DUOXA1: variants seen among roughly 807,000 people sequenced by gnomAD.
DUOXA1 encodes the protein dual oxidase maturation factor 1.
A neutral mutation model predicts 26.6 loss-of-function variants in DUOXA1; 19 were observed. That is an observed-to-expected ratio of 0.71 (90% CI 0.50 to 1.05). The LOEUF (loss-of-function observed/expected upper bound fraction) is 1.05, where lower values mean the gene tolerates loss of function less well. Among genes scored for constraint, DUOXA1 ranks in the 50% least tolerant of loss-of-function variants. The pLI is 0.00. For synonymous variants in DUOXA1, 166 were observed against 177.0 expected, an observed-to-expected ratio of 0.94 and a Z score of 0.49; for missense variants, 403 against 427.5, an observed-to-expected ratio of 0.94 and a Z score of 0.51.
chr15:45,120,029 C>T, intron 8 of DUOXA1, 74 bp downstream of exon 8: 1 of 1,555,560 alleles, frequency 6.4e-7, no homozygotes, highest in Non-Finnish European at 8.8e-7. Context: ...CTCAACTCTA[C>T]CGACATGATG....
rs1894727317 is a variant in DUOXA1, at chr15:45,117,568, G to A, written c.*1538C>T. ...ACACAAGGGGTAGGCTCCAAAAGAT[G>A]GAAGAAGGCCCGGGCATCACGCCTG... On this transcript the variant is annotated 3_prime_UTR_variant, in exon 9 of 9. Coordinates refer to ENST00000560572, the MANE Select transcript of DUOXA1 (RefSeq NM_001276266.2). The A allele has an allele frequency of 6.3e-7, 1 of 1,597,718 alleles. No homozygotes were observed. Among genetic ancestry groups the A allele is most frequent in the African/African-American group, 1.3e-5 (1 of 74,572 alleles).
intron 3 of DUOXA1, among the ~76,000 whole-genome samples, chr15:45,128,626 G>C (rs751062535): frequency 2.0e-5 from 3 of 152,194 alleles, no homozygotes; most frequent in Non-Finnish European, 4.4e-5. Context: ...ACAAAAATAG[G>C]AGTTAAGTGG....
Position 45,120,471 on chromosome 15 carries a change from G to T in DUOXA1, c.554+121C>A. 2.1e-6 allele frequency: 3 copies of T among 1,422,182 alleles called. No individual in the cohort carries two copies. The Admixed American group carries it at 5.0e-5, about 24-fold the overall frequency. 88.1% of individuals were successfully genotyped at this position (1,422,182 alleles called of 1,614,324 possible). On this transcript the variant is annotated intron_variant, in intron 7 of 8. Transcript: ENST00000560572. Reference sequence around the variant, plus strand: ...CATGGACTTCCCAAGCCAGCACCATGGGGACTGGTGCCAGGCCACCCCACC... The same window carrying T: ...CATGGACTTCCCAAGCCAGCACCATTGGGACTGGTGCCAGGCCACCCCACC...
chr15:45,121,590 C>T (rs1458994805), intron 5 of DUOXA1, among the ~76,000 whole-genome samples: 1 of 152,260 alleles, frequency 6.6e-6, no homozygotes, highest in Non-Finnish European at 1.5e-5. Context: ...TCTTGGTTCA[C>T]TGCAACCTCC....
At chr15:45,127,871 T>A (rs901080168) in intron 3 of DUOXA1, among the ~76,000 whole-genome samples, 1 of 152,170 alleles carries the variant, frequency 6.6e-6, no homozygotes, top group African/African-American at 2.4e-5. Context: ...AGACACAAGA[T>A]ACAGTCAAAT....
intron 5 of DUOXA1, 134 bp downstream of exon 5, chr15:45,122,051 A>G: frequency 1.1e-6 from 1 of 900,536 alleles, no homozygotes; most frequent in Non-Finnish European, 1.8e-6. Flanking sequence ...TGAGAGAAGC[A>G]TATGGGCAGG....
At chr15:45,123,504 G>A (rs377209103) in intron 3 of DUOXA1, among the ~76,000 whole-genome samples, 1 of 152,208 alleles carries the variant, frequency 6.6e-6, no homozygotes, top group African/African-American at 2.4e-5. Context: ...GTCCCCAAAG[G>A]AACAAAGGCC....
intron 3 of DUOXA1, among the ~76,000 whole-genome samples, chr15:45,128,271 C>T (rs1199481968): frequency 3.3e-5 from 5 of 152,212 alleles, no homozygotes; most frequent in African/African-American, 1.2e-4. Flanking sequence ...AAGTTATGTG[C>T]TAACGTCTTG....
Position 45,121,012 on chromosome 15 carries a change from C to G in DUOXA1, c.340+75G>C, listed in dbSNP as rs942110937. The G allele has an allele frequency of 1.9e-6, 3 of 1,600,590 alleles. No individual in the cohort carries two copies. In the African/African-American group the frequency reaches 4.0e-5, roughly 21 times the overall value. On this transcript the variant is annotated intron_variant, in intron 6 of 8. Coordinates refer to ENST00000560572, the MANE Select transcript of DUOXA1 (RefSeq NM_001276266.2). The stretch of plus-strand genomic sequence containing the variant: ...CCCCTGTGCCAGGCATCCTATAGCT[C>G]TTTGACCACACCAAACATAGATCCC...
At position 45,121,193 on chromosome 15, in the gene DUOXA1, C is replaced by T; in HGVS notation, c.234G>A (p.Val78=). Residue 78 remains valine, a synonymous_variant, in exon 6 of 9, where the codon GTG becomes GTA. Transcript: ENST00000560572. ...LAVNFSSEWS[V]GQVSTNTSYK... is the part of the protein sequence containing the mutation. ...ATGATGTGTTGGTGCTGACCTGGCC[C>T]ACAGACCACTCAGAACTGAAATTCA... The T allele has an allele frequency of 2.5e-6, 4 of 1,614,174 alleles. No individual in the cohort carries two copies. Among genetic ancestry groups the T allele is most frequent in the African/African-American group, 1.3e-5 (1 of 75,036 alleles).
Position 45,118,731 on chromosome 15 carries a change from C to A in DUOXA1, c.*375G>T. 2.0e-6 allele frequency: 2 copies of A among 1,009,362 alleles called. No homozygotes were observed. The highest frequency in any genetic ancestry group is 2.4e-6 in the Non-Finnish European group (2 of 846,424). 62.5% of individuals were successfully genotyped at this position (1,009,362 alleles called of 1,614,324 possible). On this transcript the variant is annotated 3_prime_UTR_variant, in exon 9 of 9. Coordinates refer to ENST00000560572, the MANE Select transcript of DUOXA1 (RefSeq NM_001276266.2). ...AGAGGTGCCGAGGGATGAGAGGAAA[C>A]CATAGGAGAATCATATGTAACCCCC...
chr15:45,126,211 C>T (rs1895664210), intron 3 of DUOXA1, among the ~76,000 whole-genome samples: 1 of 152,154 alleles, frequency 6.6e-6, no homozygotes, highest in African/African-American at 2.4e-5. Flanking sequence ...ATAATCATTT[C>T]ACTTCTCTGC....
Position 45,120,130 on chromosome 15 carries a change from G to A in DUOXA1, c.745C>T (p.Pro249Ser). ...GASVLHTHHG[P>S]AFWITLTTGL... ...GTGGTCAATGTGATCCAGAAGGCAG[G>A]CCCATGGTGAGTATGCAGCACAGAA... The change falls in exon 8 of 9, where the codon CCT becomes TCT. Residue 249 changes from proline to serine, a missense_variant. Pro to Ser is a moderately conservative substitution (Grantham distance 74). Transcript: ENST00000560572. 1 of 1,614,066 alleles carries A rather than the reference G, an allele frequency of 6.2e-7. No individual in the cohort carries two copies. The highest frequency in any genetic ancestry group is 8.5e-7 in the Non-Finnish European group (1 of 1,180,012).
chr15:45,125,008 C>A (rs1895556900), intron 3 of DUOXA1, among the ~76,000 whole-genome samples: 1 of 152,132 alleles, frequency 6.6e-6, no homozygotes, highest in Non-Finnish European at 1.5e-5. Flanking sequence ...TGCCCTAGCT[C>A]CCAGCCTTCC....
chr15:45,123,040 A>T lies in DUOXA1; in HGVS notation c.-26T>A. The T allele has an allele frequency of 1.9e-6, 3 of 1,591,446 alleles. 1 individual carries two copies. In the South Asian group the frequency reaches 3.4e-5, roughly 18 times the overall value. ...CTTGGTGAGGTGGTGCAGGGGGGGC[A>T]ATGCTGTACAACAACAATAGACATT... On this transcript the variant is annotated 5_prime_UTR_variant, in exon 4 of 9. Coordinates refer to ENST00000560572, the MANE Select transcript of DUOXA1 (RefSeq NM_001276266.2).
In DUOXA1 at chr15:45,118,450, G is replaced by T. The variant is rs1894839089; in HGVS notation, c.*656C>A. On this transcript the variant is annotated 3_prime_UTR_variant, in exon 9 of 9. Coordinates refer to ENST00000560572, the MANE Select transcript of DUOXA1 (RefSeq NM_001276266.2). ...CTTCCCACCTGGCTTCTTGTGAGGT[G>T]GTGTTTGAGGGCCAAGGTAGGTGTC... is the stretch of plus-strand genomic sequence containing the variant. The T allele has an allele frequency of 2.0e-6, 2 of 1,016,166 alleles. No individual in the cohort carries two copies. The highest frequency in any genetic ancestry group is 8.9e-5 in the South Asian group (2 of 22,390). The allele number at this position is 1,016,166 out of a possible 1,614,324, so 62.9% of individuals were successfully genotyped here. A position where few individuals can be genotyped will look rare whatever the true frequency, so the allele number is the denominator to read the frequency against.
At chr15:45,124,062 T>G (rs1249238554) in intron 3 of DUOXA1, among the ~76,000 whole-genome samples, 1 of 152,188 alleles carries the variant, frequency 6.6e-6, no homozygotes, top group Non-Finnish European at 1.5e-5. Flanking sequence ...AAAATGCATC[T>G]TAGAGTCAAT....
chr15:45,120,252 T>C lies in DUOXA1; in HGVS notation c.623A>G (p.Tyr208Cys), dbSNP rs763279284. ...GAAGATGCCCGTGGCCAATAGCATGTAGCCACCATATACCAGCACAGGCAT... is the reference window on the plus strand; with the variant it reads ...GAAGATGCCCGTGGCCAATAGCATGCAGCCACCATATACCAGCACAGGCAT... ...LSMPVLVYGGYMLLATGIFQL... is the reference protein window; with the variant it reads ...LSMPVLVYGGCMLLATGIFQL... Residue 208 changes from tyrosine to cysteine, a missense_variant, in exon 8 of 9, where the codon TAC becomes TGC. Coordinates refer to ENST00000560572, the MANE Select transcript of DUOXA1 (RefSeq NM_001276266.2). 2 of 1,614,148 alleles carry C rather than the reference T, an allele frequency of 1.2e-6. No homozygotes were observed. Among genetic ancestry groups the C allele is most frequent in the South Asian group, 2.2e-5 (2 of 91,084 alleles).
Position 45,120,098 on chromosome 15 carries a change from C to T in DUOXA1, c.772+5G>A. ...CTAGTGCTTGTCTTTAGGGCTGGGT[C>T]TTACCTGTGGTCAATGTGATCCAGA... is the stretch of plus-strand genomic sequence containing the variant. On this transcript the variant is annotated splice_donor_5th_base_variant and intron_variant, in intron 8 of 8. Coordinates refer to ENST00000560572, the MANE Select transcript of DUOXA1 (RefSeq NM_001276266.2). 6 of 1,613,714 alleles carry T rather than the reference C, an allele frequency of 3.7e-6. 1 individual carries two copies. In the South Asian group the frequency reaches 5.5e-5, roughly 15 times the overall value.
Sources: gnomAD v4.1 joint callset for allele counts (sites outside exome capture counted in the v4.1 genomes callset) on GRCh38, gnomAD v4.1.1 for gene constraint, MANE v1.5 for transcripts, NCBI Gene and HGNC (gene_info 2026-07-23, HGNC 2026-07-21) for gene names.